Variants in AHSA1 observed in about 807,000 individuals in gnomAD.
AHSA1 encodes the protein activator of 90 kDa heat shock protein ATPase homolog 1.
In AHSA1, 14 loss-of-function variants were observed where a neutral mutation model predicts 46.1. That is an observed-to-expected ratio of 0.30 (90% CI 0.20 to 0.47). The LOEUF is 0.47. AHSA1 is among the 20% of genes least tolerant of loss of function. The pLI is 0.99. For missense variants in AHSA1, 333 were observed against 415.9 expected (o/e 0.80, Z 1.73); for synonymous variants, 147 against 145.8 (o/e 1.01, Z -0.06).
At chr14:77,467,861 G>T (rs757334002) in intron 6 of AHSA1, among the ~76,000 whole-genome samples, 1 of 151,986 alleles carries the variant, frequency 6.6e-6, no homozygotes, top group Admixed American at 6.6e-5. Context: ...AAAAGTAAAC[G>T]GGTCCAAAGT....
intron 2 of AHSA1, among the ~76,000 whole-genome samples, chr14:77,461,055 A>T (rs962977712): frequency 3.3e-5 from 5 of 152,134 alleles, no homozygotes; most frequent in Non-Finnish European, 7.4e-5. Flanking sequence ...GCTACTCGGG[A>T]GGCTGAGGCA....
At chr14:77,468,874 GC>G (rs1012653048) in intron 8 of AHSA1, 3 of 638,942 alleles carry the variant, frequency 4.7e-6, no homozygotes, top group African/African-American at 1.8e-5. Context: ...ATGCCACCAC[GC>G]CCACGTAATT....
In AHSA1 at chr14:77,469,368, C is replaced by G. The variant is rs1333759426; in HGVS notation, c.*119C>G. 9 of 1,255,746 alleles carry G rather than the reference C, an allele frequency of 7.2e-6. No homozygotes were observed. The highest frequency in any genetic ancestry group is 9.9e-6 in the Non-Finnish European group (9 of 908,624). The allele number at this position is 1,255,746 out of a possible 1,614,324, so 77.8% of individuals were successfully genotyped here. Reference sequence around the variant, plus strand: ...GCTAACTTGGGGCCGGGGCCCCTCCCTTCCACATATACCTTGGGTTTGTGC... The same window carrying G: ...GCTAACTTGGGGCCGGGGCCCCTCCGTTCCACATATACCTTGGGTTTGTGC... On this transcript the variant is annotated 3_prime_UTR_variant, in exon 9 of 9. Coordinates refer to ENST00000216479, the MANE Select transcript of AHSA1 (RefSeq NM_012111.3).
At chr14:77,458,989 C>T (rs1343848040) in intron 1 of AHSA1, among the ~76,000 whole-genome samples, 1 of 152,134 alleles carries the variant, frequency 6.6e-6, no homozygotes, top group Non-Finnish European at 1.5e-5. Context: ...GTTGTTTTCT[C>T]TAATAGTTGA....
At position 77,468,523 on chromosome 14, in the gene AHSA1, T is replaced by C; in HGVS notation, c.844+15T>C. ...TTGGCCAGAGGGTAAGTAAACATAT[T>C]TATTGCCATTACCCCCAGAACTTTT... On this transcript the variant is annotated intron_variant, in intron 8 of 8. Transcript: ENST00000216479. 6.2e-7 allele frequency: 1 copy of C among 1,607,730 alleles called. No homozygotes were observed. The highest frequency in any genetic ancestry group is 8.5e-7 in the Non-Finnish European group (1 of 1,175,544).
intron 2 of AHSA1, chr14:77,460,066 T>C (rs2079015034): frequency 2.0e-6 from 1 of 500,160 alleles, no homozygotes; most frequent in Non-Finnish European, 3.6e-6. Context: ...TTGGTCTTTG[T>C]TGGGACACCT....
intron 8 of AHSA1, chr14:77,468,719 AG>A: frequency 2.8e-6 from 1 of 351,216 alleles, no homozygotes; most frequent in South Asian, 5.5e-5. Context: ...CCACCATGCC[AG>A]CTTTTTTTTT....
chr14:77,467,811 TTCTTATA>T (rs1327771592), intron 6 of AHSA1, among the ~76,000 whole-genome samples: 1 of 152,254 alleles, frequency 6.6e-6, no homozygotes, highest in African/African-American at 2.4e-5. Flanking sequence ...CATAAGCTCA[TTCTTATA>T]TCTTTCTGAA....
At chr14:77,468,879 C>A in intron 8 of AHSA1, 198 bp from the exon 9 acceptor site, 4 of 637,710 alleles carry the variant, frequency 6.3e-6, no homozygotes, top group Admixed American at 2.8e-5. Flanking sequence ...ACCACGCCCA[C>A]GTAATTTTAG....
At chr14:77,468,054 T>TTG in intron 6 of AHSA1, 29 bp from the exon 7 acceptor site, 1 of 828,876 alleles carries the variant, frequency 1.2e-6, no homozygotes, top group Non-Finnish European at 1.6e-6. Context: ...TCTGCCTCTT[T>TTG]TTTTTTTTTT....
upstream of AHSA1, chr14:77,457,910 G>T: frequency 2.0e-6 from 1 of 502,618 alleles, no homozygotes; most frequent in South Asian, 3.2e-5. Flanking sequence ...TGTATGAGCA[G>T]TTGGGTTTCG....
rs188188018 is a variant in AHSA1, at chr14:77,464,012, T to A, written c.473-586T>A. On this transcript the variant is annotated intron_variant, in intron 4 of 8. Transcript: ENST00000216479. ...TCAAAGTGCCACGGCGTTCACGCCATCCTTCCATAGTAGACCTCACATGCA... is the reference window on the plus strand; with the variant it reads ...TCAAAGTGCCACGGCGTTCACGCCAACCTTCCATAGTAGACCTCACATGCA... 4.6e-5 allele frequency among the ~76,000 whole-genome samples: 7 copies of A among 152,402 alleles called. No individual in the cohort carries two copies. In the East Asian group the frequency reaches 1.3e-3, roughly 29 times the overall value.
intron 6 of AHSA1, among the ~76,000 whole-genome samples, chr14:77,466,953 A>T (rs866523959): frequency 6.6e-6 from 1 of 152,334 alleles, no homozygotes; most frequent in South Asian, 2.1e-4. Context: ...ATACTTTTGT[A>T]TGGGAGGATT....
chr14:77,469,363 C>T lies in AHSA1; in HGVS notation c.*114C>T, dbSNP rs1325810321. 1 of 1,356,376 alleles carries T rather than the reference C, an allele frequency of 7.4e-7. No individual in the cohort carries two copies. Among genetic ancestry groups the T allele is most frequent in the East Asian group, 2.3e-5 (1 of 42,626 alleles). The allele number at this position is 1,356,376 out of a possible 1,614,324, so 84.0% of individuals were successfully genotyped here. A position where few individuals can be genotyped will look rare whatever the true frequency, so the allele number is the denominator to read the frequency against. ...CAGCTGCTAACTTGGGGCCGGGGCC[C>T]CTCCCTTCCACATATACCTTGGGTT... On this transcript the variant is annotated 3_prime_UTR_variant, in exon 9 of 9. Transcript: ENST00000216479.
rs1019445242 is a variant in AHSA1 at position 77,469,323 on chromosome 14, A to G, written c.*74A>G. On this transcript the variant is annotated 3_prime_UTR_variant, in exon 9 of 9. Coordinates refer to ENST00000216479, the MANE Select transcript of AHSA1 (RefSeq NM_012111.3). ...CTCCTGACTGGGGCTTGCGACTCAC[A>G]GGATTGCATCGTCCCAGCTGCTAAC... 5.8e-6 allele frequency: 9 copies of G among 1,545,120 alleles called. No homozygotes were observed. In the East Asian group the frequency reaches 9.1e-5, roughly 16 times the overall value.
Position 77,464,680 on chromosome 14 carries a change from G to A in AHSA1, c.555G>A (p.Glu185=). The A allele has an allele frequency of 1.2e-6, 2 of 1,613,366 alleles. No individual in the cohort carries two copies. The highest frequency in any genetic ancestry group is 1.1e-5 in the South Asian group (1 of 91,010). Residue 185 remains glutamate (E), a synonymous_variant, in exon 5 of 9, where the codon GAG becomes GAA. Coordinates refer to ENST00000216479, the MANE Select transcript of AHSA1 (RefSeq NM_012111.3). The part of the protein sequence containing the change: ...PVGQPALKTE[E]RKAKPAPSKT... ...GGCAGCCAGCACTGAAAACTGAGGA[G>A]CGCAAGGTAAATGGTTTTCCTGGGG... is the stretch of plus-strand genomic sequence containing the variant.
intron 6 of AHSA1, 85 bp from the exon 7 acceptor site, chr14:77,467,998 C>T: frequency 6.3e-6 from 6 of 958,668 alleles, no homozygotes; most frequent in Non-Finnish European, 9.1e-6. Context: ...GGCATGCAGC[C>T]TTCAGCTGGC....
Position 77,468,110 on chromosome 14 carries a change from G to A in AHSA1, c.718G>A (p.Ala240Thr). ...ELVQAFTHAP[A>T]TLEADRGGKF... ...GGTGCAGGCCTTTACCCATGCTCCT[G>A]CAACATTAGAAGCAGACAGAGGTGG... is the stretch of plus-strand genomic sequence containing the variant. The change falls in exon 7 of 9, where the codon GCA becomes ACA. Residue 240 changes from alanine to threonine, a missense_variant. Ala to Thr is a moderately conservative substitution (Grantham distance 58, BLOSUM62 0). Transcript: ENST00000216479. The A allele has an allele frequency of 6.6e-7, 1 of 1,513,598 alleles. No homozygotes were observed. The highest frequency in any genetic ancestry group is 8.9e-7 in the Non-Finnish European group (1 of 1,127,710). The allele number at this position is 1,513,598 out of a possible 1,614,324, so 93.8% of individuals were successfully genotyped here.
At chr14:77,464,985 A>G (rs909030718) in intron 5 of AHSA1, among the ~76,000 whole-genome samples, 3 of 152,190 alleles carry the variant, frequency 2.0e-5, no homozygotes, top group African/African-American at 7.2e-5. Context: ...GACTTCACCT[A>G]TATAAGTCTT....
Sources: allele counts gnomAD v4.1 joint callset (sites outside exome capture counted in the v4.1 genomes callset), GRCh38; gene constraint gnomAD v4.1.1; transcripts MANE v1.5; gene names NCBI Gene and HGNC (gene_info 2026-07-23, HGNC 2026-07-21).